Variants in DLGAP2 observed in about 807,000 individuals in gnomAD.
The protein encoded by DLGAP2 is DLG associated protein 2.
DLGAP2 carries 26 observed loss-of-function variants against 100.3 expected under a neutral mutation model. The observed-to-expected ratio is 0.26, with a 90% confidence interval of 0.19 to 0.36. The LOEUF (loss-of-function observed/expected upper bound fraction) is 0.36, where lower values mean the gene tolerates loss of function less well. Among genes scored for constraint, DLGAP2 ranks in the 10% least tolerant of loss-of-function variants. DLGAP2 has a pLI of 1.00. For missense variants in DLGAP2, 1,858 were observed against 1,453.2 expected (o/e 1.28, Z -4.53); for synonymous variants, 886 against 630.1 (o/e 1.41, Z -6.08).
intron 5 of DLGAP2, among the ~76,000 whole-genome samples, chr8:1,564,607 C>A (rs1420723115): frequency 1.3e-5 from 2 of 152,198 alleles, no homozygotes; most frequent in African/African-American, 2.4e-5. Flanking sequence ...TAGGTGCTCA[C>A]CTCTGTGCCA....
intron 3 of DLGAP2, among the ~76,000 whole-genome samples, chr8:1,440,428 C>G (rs778778323): frequency 6.6e-6 from 1 of 152,196 alleles, no homozygotes; most frequent in Non-Finnish European, 1.5e-5. Context: ...CACACAGGCA[C>G]TCCGCTGCGA....
intron 3 of DLGAP2, among the ~76,000 whole-genome samples, chr8:1,340,046 T>A (rs567788692): frequency 1.3e-5 from 2 of 152,286 alleles, no homozygotes; most frequent in Admixed American, 6.5e-5. Flanking sequence ...GCAGGACGTG[T>A]GCAGAAACTG....
At chr8:1,098,624 CA>C (rs1804472728) in intron 2 of DLGAP2, among the ~76,000 whole-genome samples, 1 of 112,116 alleles carries the variant, frequency 8.9e-6, no homozygotes, top group African/African-American at 3.1e-5. Flanking sequence ...CGCCGCCACC[CA>C]CGCCAGGCTC....
At chr8:941,090 G>C (rs1246146893) in intron 2 of DLGAP2, among the ~76,000 whole-genome samples, 1 of 152,194 alleles carries the variant, frequency 6.6e-6, no homozygotes, top group Non-Finnish European at 1.5e-5. Context: ...CCCCACCAGA[G>C]AACAGGCCCT....
intron 2 of DLGAP2, among the ~76,000 whole-genome samples, chr8:1,070,522 C>G (rs6559210): frequency 6.6e-6 from 1 of 151,956 alleles, no homozygotes; most frequent in Non-Finnish European, 1.5e-5. Flanking sequence ...TCCTTAGGCT[C>G]TGAAATATCT....
chr8:740,896 G>T (rs1025608404), intron 1 of DLGAP2, among the ~76,000 whole-genome samples: 1 of 152,104 alleles, frequency 6.6e-6, no homozygotes, highest in Non-Finnish European at 1.5e-5. Flanking sequence ...TCATTCATTG[G>T]ATACAATAAA....
intron 3 of DLGAP2, among the ~76,000 whole-genome samples, chr8:1,373,162 T>G (rs1329667585): frequency 6.6e-6 from 1 of 152,158 alleles, no homozygotes; most frequent in Non-Finnish European, 1.5e-5. Flanking sequence ...CTCATTTGCT[T>G]TGGCCGTTGG....
chr8:1,084,496 C>T (rs1455351065), intron 2 of DLGAP2, among the ~76,000 whole-genome samples: 1 of 152,216 alleles, frequency 6.6e-6, no homozygotes, highest in Non-Finnish European at 1.5e-5. Flanking sequence ...GCCCTCCTGT[C>T]CGAGGCTTTG....
intron 1 of DLGAP2, among the ~76,000 whole-genome samples, chr8:745,051 T>G (rs1422122751): frequency 6.6e-6 from 1 of 152,206 alleles, no homozygotes; most frequent in African/African-American, 2.4e-5. Context: ...CATGAACTCG[T>G]AAATACACAC....
At chr8:1,185,395 C>T (rs1563238424) in intron 2 of DLGAP2, among the ~76,000 whole-genome samples, 1 of 152,020 alleles carries the variant, frequency 6.6e-6, no homozygotes, top group Non-Finnish European at 1.5e-5. Context: ...TCTGCAGGTA[C>T]AAGGTGACCC....
At chr8:1,374,518 T>C (rs1255034880) in intron 3 of DLGAP2, among the ~76,000 whole-genome samples, 1 of 152,162 alleles carries the variant, frequency 6.6e-6, no homozygotes, top group African/African-American at 2.4e-5. Flanking sequence ...CGCTCCAATT[T>C]ACTTAACAAA....
intron 1 of DLGAP2, among the ~76,000 whole-genome samples, chr8:775,901 A>G (rs1166300394): frequency 4.8e-5 from 7 of 147,080 alleles, no homozygotes; most frequent in African/African-American, 1.7e-4. Context: ...TTTTCTATTG[A>G]TTGGAATAGT....
intron 2 of DLGAP2, among the ~76,000 whole-genome samples, chr8:1,071,206 G>C (rs1803419320): frequency 1.3e-5 from 2 of 152,226 alleles, no homozygotes; most frequent in South Asian, 4.1e-4. Context: ...TTTAGCTTTT[G>C]TGTGATGATA....
intron 1 of DLGAP2, among the ~76,000 whole-genome samples, chr8:860,120 G>C (rs1346430038): frequency 6.6e-6 from 1 of 152,078 alleles, no homozygotes; most frequent in Non-Finnish European, 1.5e-5. Context: ...CTGATTTTTG[G>C]CCTTTTTGGT....
At chr8:1,417,727 A>AGCCCCACTCCTGCCT in intron 3 of DLGAP2, among the ~76,000 whole-genome samples, 1 of 111,512 alleles carries the variant, frequency 9.0e-6, no homozygotes, top group African/African-American at 3.1e-5. Context: ...GAGGCTCCAG[A>AGCCCCACTCCTGCCT]CACAGAAGCC....
At chr8:980,910 A>T (rs568788532) in intron 2 of DLGAP2, among the ~76,000 whole-genome samples, 42 of 152,318 alleles carry the variant, frequency 2.8e-4, no homozygotes, top group African/African-American at 1.0e-3. Context: ...CATTCGTGTG[A>T]TAGTGGCAAA....
At chr8:890,272 C>T (rs539986347) in intron 1 of DLGAP2, among the ~76,000 whole-genome samples, 1 of 152,306 alleles carries the variant, frequency 6.6e-6, no homozygotes, top group East Asian at 1.9e-4. Context: ...ATGAGCCATG[C>T]ACGTGCACGC....
chr8:1,511,492 A>G (rs904411148), intron 4 of DLGAP2, among the ~76,000 whole-genome samples: 1 of 151,522 alleles, frequency 6.6e-6, no homozygotes, highest in Non-Finnish European at 1.5e-5. Context: ...ATAGATGACC[A>G]TCTTCCATGG....
intron 3 of DLGAP2, among the ~76,000 whole-genome samples, chr8:1,318,327 T>C (rs1800814020): frequency 6.6e-6 from 1 of 152,132 alleles, no homozygotes; most frequent in South Asian, 2.1e-4. Flanking sequence ...GCTTTATCAG[T>C]TCAGCTTTAC....
Sources: gnomAD v4.1 joint callset for allele counts (sites outside exome capture counted in the v4.1 genomes callset) on GRCh38, gnomAD v4.1.1 for gene constraint, MANE v1.5 for transcripts, NCBI Gene and HGNC (gene_info 2026-07-23, HGNC 2026-07-21) for gene names.